The following EXOSC5 variants were observed in gnomAD, a reference collection of about 807,000 sequenced individuals.
EXOSC5 encodes the protein exosome component 5, also known as exosome complex component RRP46.
EXOSC5 carries 15 observed loss-of-function variants against 23.7 expected under a neutral mutation model. The observed-to-expected ratio is 0.63, with a 90% CI of 0.42 to 0.97. EXOSC5 has a LOEUF of 0.97. Ranked by LOEUF, EXOSC5 falls within the 50% of genes least tolerant of loss-of-function variation. EXOSC5 has a pLI of 0.00. For missense variants in EXOSC5, 305 were observed against 316.3 expected (o/e 0.96, Z 0.27); for synonymous variants, 143 against 140.9 (o/e 1.02, Z -0.11).
At position 41,395,237 on chromosome 19, in the gene EXOSC5, G is replaced by A. The variant is rs566414493; in HGVS notation, c.148+1944C>T. On this transcript the variant is annotated intron_variant, in intron 1 of 5. Transcript: ENST00000221233. ...TGGTTAAGGCCGTATTTCCTGGGAA[G>A]CCCAATTTGCCCTTACACGGAAGGT... 2.0e-5 allele frequency among the ~76,000 whole-genome samples: 3 copies of A among 152,240 alleles called. No homozygotes were observed. The South Asian group carries it at 6.2e-4, about 32-fold the overall frequency.
chr19:41,391,764 A>G (rs1016870592), intron 3 of EXOSC5, 77 bp downstream of exon 3: 3 of 1,441,516 alleles, frequency 2.1e-6, no homozygotes, highest in African/African-American at 3.0e-5. Context: ...TCTGGCTAGC[A>G]GTGAGGGTAT....
chr19:41,392,074 C>T, intron 2 of EXOSC5, 112 bp from the exon 3 acceptor site: 1 of 1,431,154 alleles, frequency 7.0e-7, no homozygotes, highest in African/African-American at 1.5e-5. Flanking sequence ...TGGGATGGTG[C>T]AGTTACCTGC....
chr19:41,397,270 C>T lies in EXOSC5; in HGVS notation c.59G>A (p.Ser20Asn), dbSNP rs144843967. Residue 20 changes from serine to asparagine, a missense_variant, in exon 1 of 6, where the codon AGC becomes AAC. Physicochemically the swap from Ser to Asn is conservative, Grantham distance 46. Transcript: ENST00000221233. Reference protein sequence around the residue: ...KIRAENGTGSSPRGPGCSLRH... With the variant: ...KIRAENGTGSNPRGPGCSLRH... ...GAGGCTGCAGCCAGGACCCCGAGGGCTGGACCCTGTTCCATTTTCAGCACG... is the reference window on the plus strand; with the variant it reads ...GAGGCTGCAGCCAGGACCCCGAGGGTTGGACCCTGTTCCATTTTCAGCACG... The T allele has an allele frequency of 3.1e-6, 5 of 1,614,128 alleles. No individual in the cohort carries two copies. The African/African-American group carries it at 5.3e-5, about 17-fold the overall frequency.
intron 1 of EXOSC5, 71 bp downstream of exon 1, chr19:41,397,107 TGAG>T: frequency 1.3e-6 from 2 of 1,513,562 alleles, no homozygotes; most frequent in South Asian, 2.5e-5. Flanking sequence ...GCTGGTATCG[TGAG>T]GAGGTGGGCA....
At chr19:41,392,734 A>G in intron 2 of EXOSC5, 133 bp downstream of exon 2, 1 of 647,770 alleles carries the variant, frequency 1.5e-6, no homozygotes, top group South Asian at 1.8e-5. Flanking sequence ...TTAGAGGCGG[A>G]GAGTTAAAGA....
intron 4 of EXOSC5, 140 bp from the exon 5 acceptor site, chr19:41,387,743 G>A: frequency 2.3e-6 from 1 of 431,144 alleles, no homozygotes; most frequent in Non-Finnish European, 4.0e-6. Context: ...CACTGCTTGA[G>A]GCCAGAAACT....
At chr19:41,387,224 C>G (rs1263460228) in intron 5 of EXOSC5, among the ~76,000 whole-genome samples, 2 of 152,168 alleles carry the variant, frequency 1.3e-5, no homozygotes, top group Admixed American at 6.5e-5. Context: ...AGCCTGAGAC[C>G]TGGAATTCCC....
intron 1 of EXOSC5, among the ~76,000 whole-genome samples, chr19:41,396,930 A>G (rs1363970346): frequency 6.6e-6 from 1 of 152,072 alleles, no homozygotes; most frequent in Non-Finnish European, 1.5e-5. Flanking sequence ...TGAAATATCA[A>G]TTCTTGGGCG....
At chr19:41,388,189 T>C (rs1321152300) in intron 4 of EXOSC5, among the ~76,000 whole-genome samples, 1 of 152,238 alleles carries the variant, frequency 6.6e-6, no homozygotes, top group Non-Finnish European at 1.5e-5. Flanking sequence ...TGACAGGGGC[T>C]TCCAAGCTCA....
chr19:41,394,484 A>C (rs926075415), intron 1 of EXOSC5, among the ~76,000 whole-genome samples: 7 of 151,806 alleles, frequency 4.6e-5, no homozygotes, highest in Non-Finnish European at 2.9e-5. Flanking sequence ...CAGGAGTTTG[A>C]GACCAGCCTG....
At chr19:41,394,310 G>A (rs573594542) in intron 1 of EXOSC5, among the ~76,000 whole-genome samples, 5 of 151,396 alleles carry the variant, frequency 3.3e-5, no homozygotes, top group African/African-American at 7.3e-5. Flanking sequence ...CCGGGGAGGC[G>A]GAGGTTGCAG....
intron 1 of EXOSC5, 24 bp downstream of exon 1, chr19:41,397,153 AAAAG>A (rs2039075656): frequency 6.2e-7 from 1 of 1,610,540 alleles, no homozygotes; most frequent in African/African-American, 1.3e-5. Flanking sequence ...GTCCCTCTCC[AAAAG>A]AAAGACCTGG....
chr19:41,395,345 T>C (rs2039054257), intron 1 of EXOSC5, among the ~76,000 whole-genome samples: 1 of 152,208 alleles, frequency 6.6e-6, no homozygotes, highest in Non-Finnish European at 1.5e-5. Flanking sequence ...ATGAACTGCC[T>C]GTGTTTTGCC....
At position 41,392,341 on chromosome 19, in the gene EXOSC5, G is replaced by T. The variant is rs191695539; in HGVS notation, c.263-379C>A. 5.2e-3 allele frequency among the ~76,000 whole-genome samples: 788 copies of T among 152,298 alleles called. 10 individuals carry two copies. Among genetic ancestry groups the T allele is most frequent in the African/African-American group, 0.018 (742 of 41,548 alleles). The stretch of plus-strand genomic sequence containing the variant: ...TCGCGCCTGTAATCCCAACACTTTG[G>T]GGGGCTGAGGCGGGCGGATCACTTG... On this transcript the variant is annotated intron_variant, in intron 2 of 5. Transcript: ENST00000221233.
Position 41,392,874 on chromosome 19 carries a change from C to A in EXOSC5, c.255G>T (p.Gly85=). 1 of 1,613,830 alleles carries A rather than the reference C, an allele frequency of 6.2e-7. No homozygotes were observed. The highest frequency in any genetic ancestry group is 8.5e-7 in the Non-Finnish European group (1 of 1,179,942). The change falls in exon 2 of 6, where the codon GGG becomes GGT. Residue 85 remains glycine (G), a synonymous_variant. Coordinates refer to ENST00000221233, the MANE Select transcript of EXOSC5 (RefSeq NM_020158.4). ...TCAGCAGGGCCCAATTACCAGGCAG[C>A]CCAATCTTCGGCCTCAGGATCACTT... ...TLEVILRPKI[G]LPGVAEKSRE... is the part of the protein sequence containing the mutation.
In EXOSC5 at chr19:41,386,419, C is replaced by T. The variant is rs930703425; in HGVS notation, c.*214G>A. 1.3e-5 allele frequency: 7 copies of T among 520,116 alleles called. No individual in the cohort carries two copies. The South Asian group carries it at 2.0e-4, about 15-fold the overall frequency. The allele number at this position is 520,116 out of a possible 1,614,324, so 32.2% of individuals were successfully genotyped here. On this transcript the variant is annotated 3_prime_UTR_variant, in exon 6 of 6. Coordinates refer to ENST00000221233, the MANE Select transcript of EXOSC5 (RefSeq NM_020158.4). ...GATTCATCCATTCCATAAATGTGAG[C>T]TCCTTTGAATGTTATCCTTGCTGGG...
intron 4 of EXOSC5, among the ~76,000 whole-genome samples, chr19:41,389,083 T>C (rs1409345468): frequency 6.6e-6 from 1 of 151,980 alleles, no homozygotes; most frequent in Non-Finnish European, 1.5e-5. Flanking sequence ...GTAGCTGAGA[T>C]TACAGATGTG....
Position 41,386,637 on chromosome 19 carries a change from C to A in EXOSC5, c.704G>T (p.Ser235Ile), listed in dbSNP as rs768634351. The part of the protein sequence containing the change: ...RESLQRRYSK[S>I] The stretch of plus-strand genomic sequence containing the variant: ...GGCCCCTTGCCCCAGCTTGCCTCAG[C>A]TCTTGGAGTAACGCCTCTGCAGCGA... Residue 235 changes from serine to isoleucine, a missense_variant, in exon 6 of 6, where the codon AGC becomes ATC. Coordinates refer to ENST00000221233, the MANE Select transcript of EXOSC5 (RefSeq NM_020158.4). 9.5e-6 allele frequency: 15 copies of A among 1,586,146 alleles called. No homozygotes were observed. In the South Asian group the frequency reaches 1.6e-4, roughly 17 times the overall value.
intron 4 of EXOSC5, 33 bp from the exon 5 acceptor site, chr19:41,387,636 C>T (rs2038994157): frequency 6.8e-7 from 1 of 1,469,950 alleles, no homozygotes; most frequent in African/African-American, 1.4e-5. Context: ...GGTGGGGGAC[C>T]TAGGACCTTC....
Sources: gnomAD v4.1 joint callset for allele counts (sites outside exome capture counted in the v4.1 genomes callset) on GRCh38, gnomAD v4.1.1 for gene constraint, MANE v1.5 for transcripts, NCBI Gene and HGNC (gene_info 2026-07-23, HGNC 2026-07-21) for gene names.